The following SETBP1 variants were observed in gnomAD, a reference collection of about 807,000 sequenced individuals.
The protein encoded by SETBP1 is SET-binding protein.
Under a neutral mutation model 101.0 loss-of-function variants are expected in SETBP1, and 9 were observed. That is an observed-to-expected ratio of 0.09 (90% CI 0.05 to 0.16). The LOEUF (loss-of-function observed/expected upper bound fraction) is 0.16. Ranked by LOEUF, SETBP1 falls within the 10% of genes least tolerant of loss-of-function variation. The pLI is 1.00. For synonymous variants in SETBP1, 818 were observed against 788.5 expected (o/e 1.04, Z -0.63); for missense variants, 1,858 against 2,033.8 (o/e 0.91, Z 1.66).
intron 3 of SETBP1, among the ~76,000 whole-genome samples, chr18:44,918,723 AAAG>A (rs908368969): frequency 6.6e-6 from 1 of 152,228 alleles, no homozygotes; most frequent in African/African-American, 2.4e-5. Flanking sequence ...AATGTTTACA[AAAG>A]AAGATGTACA....
At chr18:44,971,756 A>G (rs941815683) in intron 4 of SETBP1, among the ~76,000 whole-genome samples, 1 of 152,054 alleles carries the variant, frequency 6.6e-6, no homozygotes, top group African/African-American at 2.4e-5. Context: ...GTTTGAGTTC[A>G]TTGTAGATTC....
At chr18:44,699,014 G>C (rs1193618330) in intron 1 of SETBP1, among the ~76,000 whole-genome samples, 2 of 152,068 alleles carry the variant, frequency 1.3e-5, no homozygotes, top group Non-Finnish European at 2.9e-5. Flanking sequence ...TATATTCAGT[G>C]TATAAGCCCA....
At chr18:45,047,202 C>T (rs541210409) in intron 5 of SETBP1, among the ~76,000 whole-genome samples, 59 of 152,242 alleles carry the variant, frequency 3.9e-4, no homozygotes, top group Non-Finnish European at 6.0e-4. Context: ...AGGCATCAGA[C>T]GCCCAGGGAG....
intron 2 of SETBP1, among the ~76,000 whole-genome samples, chr18:44,742,202 A>C (rs2070114430): frequency 6.6e-6 from 1 of 152,174 alleles, no homozygotes; most frequent in Non-Finnish European, 1.5e-5. Context: ...AAATAGGTAA[A>C]CTGAAGCCAA....
rs1451000849 is a variant in SETBP1, at chr18:44,905,566, AGGGTTCTGATACTAAAG to A, written c.540+36285_540+36301del. Among the ~76,000 whole-genome samples the A allele has an allele frequency of 2.2e-5, 3 of 135,462 alleles. No homozygotes were observed. The East Asian group carries it at 6.1e-4, about 28-fold the overall frequency. The allele number at this position is 135,462 out of a possible 152,430, so 88.9% of individuals were successfully genotyped here. A position where few individuals can be genotyped will look rare whatever the true frequency, so the allele number is the denominator to read the frequency against. On this transcript the variant is annotated intron_variant, in intron 3 of 5. Transcript: ENST00000649279. ...CTAAGAGAATTTCCTGAGAAATAAA[AGGGTTCTGATACTAAAG>A]GCACTGAAGAATTGGGTGAACTTTC...
rs181864816 is a variant in SETBP1 at position 45,066,535 on chromosome 18, C to G, written c.*2837C>G. ...TACCCCCAATTCCTTTAGCCTCTCCCCACCTGTCCAAACTCAGCTCAGCCG... is the reference window on the plus strand; with the variant it reads ...TACCCCCAATTCCTTTAGCCTCTCCGCACCTGTCCAAACTCAGCTCAGCCG... On this transcript the variant is annotated 3_prime_UTR_variant, in exon 6 of 6. Coordinates refer to ENST00000649279, the MANE Select transcript of SETBP1 (RefSeq NM_015559.3). 6 of 152,410 alleles carry G rather than the reference C, an allele frequency of 3.9e-5. No homozygotes were observed. The highest frequency in any genetic ancestry group is 1.4e-4 in the African/African-American group (6 of 41,548). The allele number at this position is 152,410 out of a possible 1,614,324, so 9.4% of individuals were successfully genotyped here.
At position 44,950,801 on chromosome 18, in the gene SETBP1, G is replaced by C; in HGVS notation, c.1461G>C (p.Glu487Asp). 2 of 1,614,124 alleles carry C rather than the reference G, an allele frequency of 1.2e-6. No individual in the cohort carries two copies. The highest frequency in any genetic ancestry group is 4.5e-5 in the East Asian group (2 of 44,878). Residue 487 changes from glutamate to aspartate, a missense_variant, in exon 4 of 6, where the codon GAG becomes GAC. Coordinates refer to ENST00000649279, the MANE Select transcript of SETBP1 (RefSeq NM_015559.3). ...SVGLETGGNAEKVIPGGVSKP... is the reference protein window; with the variant it reads ...SVGLETGGNADKVIPGGVSKP... ...GCCTTGAAACTGGTGGAAATGCTGAGAAAGTTATCCCAGGAGGTGTGTCTA... is the reference window on the plus strand; with the variant it reads ...GCCTTGAAACTGGTGGAAATGCTGACAAAGTTATCCCAGGAGGTGTGTCTA...
chr18:44,680,816 G>T (rs1024410083), upstream of SETBP1: 7 of 152,180 alleles, frequency 4.6e-5, no homozygotes, highest in Non-Finnish European at 1.0e-4. Context: ...GTTTGGCGTT[G>T]GTGGAGTGGA....
intron 2 of SETBP1, among the ~76,000 whole-genome samples, chr18:44,861,716 G>T (rs1478465170): frequency 6.6e-6 from 1 of 152,104 alleles, no homozygotes; most frequent in Non-Finnish European, 1.5e-5. Context: ...AGCCACTTTT[G>T]ACTGAAATGA....
chr18:44,806,693 G>A (rs1177197975), intron 2 of SETBP1, among the ~76,000 whole-genome samples: 1 of 106,252 alleles, frequency 9.4e-6, no homozygotes, highest in African/African-American at 3.7e-5. Context: ...TTAAGAGATA[G>A]GGTCTTGTTA....
At chr18:44,691,893 C>G (rs2068940205) in intron 1 of SETBP1, among the ~76,000 whole-genome samples, 1 of 152,136 alleles carries the variant, frequency 6.6e-6, no homozygotes, top group African/African-American at 2.4e-5. Context: ...TGGGAAGACT[C>G]AGGGAGAAAA....
At chr18:44,973,971 GTTC>G (rs1208399016) in intron 4 of SETBP1, among the ~76,000 whole-genome samples, 4 of 152,096 alleles carry the variant, frequency 2.6e-5, no homozygotes, top group Admixed American at 6.5e-5. Flanking sequence ...TTTTGTTATT[GTTC>G]TTCTTCTTCC....
intron 2 of SETBP1, among the ~76,000 whole-genome samples, chr18:44,705,364 A>G (rs2069196506): frequency 6.6e-6 from 1 of 152,168 alleles, no homozygotes; most frequent in Non-Finnish European, 1.5e-5. Context: ...ACCTTCAAAG[A>G]TTCAACTATT....
chr18:44,958,101 G>C (rs1326672188), intron 4 of SETBP1, among the ~76,000 whole-genome samples: 2 of 152,104 alleles, frequency 1.3e-5, no homozygotes, highest in African/African-American at 4.8e-5. Flanking sequence ...GACCATAAAG[G>C]TTCTGACCAG....
At chr18:44,760,089 T>C (rs992622250) in intron 2 of SETBP1, among the ~76,000 whole-genome samples, 7 of 152,234 alleles carry the variant, frequency 4.6e-5, no homozygotes, top group Non-Finnish European at 1.0e-4. Flanking sequence ...GTAACAGTAC[T>C]AGGGTAATAC....
intron 2 of SETBP1, among the ~76,000 whole-genome samples, chr18:44,822,852 T>C (rs2072143665): frequency 6.6e-6 from 1 of 152,154 alleles, no homozygotes; most frequent in African/African-American, 2.4e-5. Flanking sequence ...CAATGGAGTA[T>C]AGAAATAAGA....
At chr18:44,919,705 T>G (rs1042318578) in intron 3 of SETBP1, among the ~76,000 whole-genome samples, 1 of 151,510 alleles carries the variant, frequency 6.6e-6, no homozygotes, top group Non-Finnish European at 1.5e-5. Context: ...CTTAATAATC[T>G]GTGCCATTTG....
chr18:44,945,987 G>C (rs2071196944), intron 3 of SETBP1, among the ~76,000 whole-genome samples: 1 of 152,182 alleles, frequency 6.6e-6, no homozygotes, highest in South Asian at 2.1e-4. Flanking sequence ...AGGACATATT[G>C]GAAATGACAG....
intron 4 of SETBP1, among the ~76,000 whole-genome samples, chr18:45,008,617 A>G (rs1043937573): frequency 3.9e-5 from 6 of 152,236 alleles, no homozygotes; most frequent in Non-Finnish European, 8.8e-5. Flanking sequence ...CTCAGGCAAA[A>G]TAGTTCAGAT....
Sources: allele counts gnomAD v4.1 joint callset (sites outside exome capture counted in the v4.1 genomes callset), GRCh38; gene constraint gnomAD v4.1.1; transcripts MANE v1.5; gene names NCBI Gene and HGNC (gene_info 2026-07-23, HGNC 2026-07-21).